STON1: variants seen among roughly 807,000 people sequenced by gnomAD.
The protein encoded by STON1 is stonin 1, also known as stonin-1.
STON1 carries 79 observed loss-of-function variants against 60.9 expected under a neutral mutation model. The ratio of observed to expected loss-of-function variants is 1.30; its 90% CI spans 1.08 to 1.56. The LOEUF is 1.56. STON1 is among the 40% of genes most tolerant of loss of function. The probability of loss-of-function intolerance (pLI) is 0.00; values close to 1 mark genes in which losing one functional copy is unlikely to be tolerated. For synonymous variants in STON1, 363 were observed against 306.9 expected (o/e 1.18, Z -1.91); for missense variants, 1,166 against 858.9 (o/e 1.36, Z -4.47).
intron 1 of STON1, among the ~76,000 whole-genome samples, chr2:48,543,425 C>T (rs1391782673): frequency 3.3e-5 from 5 of 151,924 alleles, no homozygotes; most frequent in African/African-American, 1.2e-4. Flanking sequence ...TATGTTGTTA[C>T]TTAAGAACCA....
Position 48,565,076 on chromosome 2 carries a change from G to A in STON1, c.-47-15511G>A, listed in dbSNP as rs550059426. On this transcript the variant is annotated intron_variant, in intron 1 of 3. Coordinates refer to ENST00000404752, the MANE Select transcript of STON1 (RefSeq NM_006873.4). ...TTTTTTTTTTTTTTTTTTATAAGAA[G>A]GAGTCTCGCTCTGTCGCCCAGGCTG... Among the ~76,000 whole-genome samples the A allele has an allele frequency of 4.6e-3, 569 of 124,590 alleles. 4 individuals are homozygous for A. Among genetic ancestry groups the A allele is most frequent in the African/African-American group, 0.016 (533 of 33,246 alleles). 81.7% of individuals were successfully genotyped at this position (124,590 alleles called of 152,430 possible).
chr2:48,582,710 A>G (rs1022403904), intron 2 of STON1, 147 bp downstream of exon 2: 1 of 1,361,154 alleles, frequency 7.3e-7, no homozygotes, highest in Non-Finnish European at 9.8e-7. Flanking sequence ...ATTTAGCTAA[A>G]CAGCTGGTTT....
At position 48,530,217 on chromosome 2, in the gene STON1, G is replaced by A. The variant is rs1250221803; in HGVS notation, c.-48+1G>A. The A allele has an allele frequency of 5.0e-6, 2 of 396,844 alleles. No individual in the cohort carries two copies. Among genetic ancestry groups the A allele is most frequent in the Admixed American group, 6.1e-5 (2 of 32,584 alleles). The allele number at this position is 396,844 out of a possible 1,614,324, so 24.6% of individuals were successfully genotyped here. A position where few individuals can be genotyped will look rare whatever the true frequency, so the allele number is the denominator to read the frequency against. ...AATCGGAGCCCCAACCGCGCTGCCG[G>A]TGAGTGACCAGCCCCAGGGGACAGA... is the stretch of plus-strand genomic sequence containing the variant. On this transcript the variant is annotated splice_donor_variant, in intron 1 of 3. Transcript: ENST00000404752. LOFTEE classifies it low-confidence loss of function (5UTR_SPLICE).
intron 1 of STON1, 161 bp downstream of exon 1, chr2:48,530,377 G>A: frequency 4.0e-6 from 1 of 247,628 alleles, no homozygotes; most frequent in South Asian, 4.2e-5. Context: ...CGCCCTGGCC[G>A]CCCCCAGGGG....
chr2:48,565,219 A>C (rs1672889009), intron 1 of STON1, among the ~76,000 whole-genome samples: 1 of 150,468 alleles, frequency 6.6e-6, no homozygotes, highest in Non-Finnish European at 1.5e-5. Context: ...CGCCCGGCTA[A>C]TTTTTTGTAT....
intron 1 of STON1, among the ~76,000 whole-genome samples, chr2:48,544,184 TTG>T (rs34920901): frequency 2.8e-5 from 4 of 145,350 alleles, no homozygotes; most frequent in African/African-American, 7.3e-5. Flanking sequence ...TCTCTGGATT[TTG>T]TGTGTGTGTG....
At chr2:48,542,299 G>A (rs1243613279) in intron 1 of STON1, among the ~76,000 whole-genome samples, 2 of 152,168 alleles carry the variant, frequency 1.3e-5, no homozygotes, top group African/African-American at 4.8e-5. Context: ...CTTTATCAGT[G>A]TCCTTCTATC....
At chr2:48,588,605 C>T (rs192922657) in intron 2 of STON1, among the ~76,000 whole-genome samples, 1 of 152,312 alleles carries the variant, frequency 6.6e-6, no homozygotes, top group East Asian at 1.9e-4. Flanking sequence ...CCCGCCTTGG[C>T]CTTCCGAGTG....
rs1558636649 is a variant in STON1 at position 48,582,054 on chromosome 2, A to G, written c.1421A>G (p.Asp474Gly). 1.9e-6 allele frequency: 3 copies of G among 1,614,016 alleles called. No homozygotes were observed. Among genetic ancestry groups the G allele is most frequent in the Admixed American group, 1.7e-5 (1 of 59,982 alleles). Residue 474 changes from aspartate to glycine, a missense_variant, in exon 2 of 4, where the codon GAC becomes GGC. By Grantham distance (94) the Asp-to-Gly change is moderately conservative. Transcript: ENST00000404752. ...PKRDESYYEK[D>G]SEKKGIDILD... is the part of the protein sequence containing the mutation. Reference sequence around the variant, plus strand: ...CGAGATGAATCCTATTATGAGAAGGACTCAGAAAAAAAGGGGATTGATATT... The same window carrying G: ...CGAGATGAATCCTATTATGAGAAGGGCTCAGAAAAAAAGGGGATTGATATT...
chr2:48,564,658 T>TTTCTTATTTCTTCTTCTTC lies in STON1; in HGVS notation c.-47-15923_-47-15905dup, dbSNP rs1553359472. 2.6e-4 allele frequency among the ~76,000 whole-genome samples: 29 copies of TTTCTTATTTCTTCTTCTTC among 109,916 alleles called. 4 individuals are homozygous for TTTCTTATTTCTTCTTCTTC. The highest frequency in any genetic ancestry group is 9.6e-4 in the African/African-American group (29 of 30,092). The allele number at this position is 109,916 out of a possible 152,430, so 72.1% of individuals were successfully genotyped here. On this transcript the variant is annotated intron_variant, in intron 1 of 3. Transcript: ENST00000404752. Reference sequence around the variant, plus strand: ...TTTCTCCTTCTCCTTCTTCTTCTTCTTTCTTATTTCTTCTTCTTCTTCTTC... The same window carrying TTTCTTATTTCTTCTTCTTC: ...TTTCTCCTTCTCCTTCTTCTTCTTCTTTCTTATTTCTTCTTCTTCTTCTTATTTCTTCTTCTTCTTCTTC...
chr2:48,572,504 G>A (rs1467143782), intron 1 of STON1, among the ~76,000 whole-genome samples: 1 of 152,136 alleles, frequency 6.6e-6, no homozygotes, highest in Non-Finnish European at 1.5e-5. Context: ...AAAAAATTCA[G>A]GGCTGCTTAC....
chr2:48,544,196 G>T (rs184577515), intron 1 of STON1, among the ~76,000 whole-genome samples: 2 of 147,352 alleles, frequency 1.4e-5, no homozygotes, highest in Non-Finnish European at 3.0e-5. Context: ...GTGTGTGTGT[G>T]TGTGTCTGTC....
At chr2:48,553,915 C>A (rs993979464) in intron 1 of STON1, among the ~76,000 whole-genome samples, 1 of 152,124 alleles carries the variant, frequency 6.6e-6, no homozygotes, top group African/African-American at 2.4e-5. Context: ...AGAAGAAAAC[C>A]TAAATACTGG....
At chr2:48,533,208 C>A (rs986773698) in intron 1 of STON1, among the ~76,000 whole-genome samples, 1 of 151,996 alleles carries the variant, frequency 6.6e-6, no homozygotes, top group Non-Finnish European at 1.5e-5. Flanking sequence ...ATAGTGAAAC[C>A]CCGTCTCTAC....
intron 1 of STON1, among the ~76,000 whole-genome samples, chr2:48,557,859 GAGACTA>G (rs1242108062): frequency 2.6e-5 from 4 of 152,210 alleles, no homozygotes; most frequent in Non-Finnish European, 5.9e-5. Context: ...GTTTGCTTTT[GAGACTA>G]AGACATTACT....
intron 2 of STON1, among the ~76,000 whole-genome samples, chr2:48,588,933 C>T (rs1426090881): frequency 6.6e-6 from 1 of 152,014 alleles, no homozygotes; most frequent in Non-Finnish European, 1.5e-5. Context: ...GTGTGAATGA[C>T]AGCAGAGGAG....
At chr2:48,567,623 G>A (rs181113097) in intron 1 of STON1, among the ~76,000 whole-genome samples, 5 of 152,038 alleles carry the variant, frequency 3.3e-5, no homozygotes, top group East Asian at 1.9e-4. Context: ...TGTTGGTTTC[G>A]GACTCCTGAC....
intron 1 of STON1, among the ~76,000 whole-genome samples, chr2:48,579,184 T>C (rs1333259870): frequency 2.0e-5 from 3 of 151,898 alleles, no homozygotes; most frequent in African/African-American, 4.8e-5. Context: ...TTTGTATTTT[T>C]AGTAGAGATG....
At chr2:48,594,080 A>G (rs920875474) in intron 3 of STON1, among the ~76,000 whole-genome samples, 1 of 152,144 alleles carries the variant, frequency 6.6e-6, no homozygotes, top group African/African-American at 2.4e-5. Flanking sequence ...CATTCTGACT[A>G]CATTGCATCC....
Sources: gnomAD v4.1 joint callset for allele counts (sites outside exome capture counted in the v4.1 genomes callset) on GRCh38, gnomAD v4.1.1 for gene constraint, MANE v1.5 for transcripts, NCBI Gene and HGNC (gene_info 2026-07-23, HGNC 2026-07-21) for gene names.